EPHX2: variants seen among roughly 807,000 people sequenced by gnomAD.
EPHX2 encodes epoxide hydrolase 2.
EPHX2 carries 74 observed loss-of-function variants against 78.7 expected under a neutral mutation model. That is an observed-to-expected ratio of 0.94 (90% CI 0.78 to 1.14). The LOEUF (loss-of-function observed/expected upper bound fraction) is 1.14, where lower values mean the gene tolerates loss of function less well. EPHX2 is among the 50% of genes most tolerant of loss of function. EPHX2 has a pLI of 0.00. For synonymous variants in EPHX2, 251 were observed against 255.2 expected (o/e 0.98, Z 0.16); for missense variants, 715 against 702.5 (o/e 1.02, Z -0.20).
chr8:27,504,261 C>T (rs1390584187), intron 3 of EPHX2, among the ~76,000 whole-genome samples: 1 of 152,160 alleles, frequency 6.6e-6, no homozygotes, highest in Non-Finnish European at 1.5e-5. Context: ...ACTATTCCAC[C>T]CTCTTATCAG....
chr8:27,499,052 C>G (rs1813672484), intron 1 of EPHX2, among the ~76,000 whole-genome samples: 2 of 152,176 alleles, frequency 1.3e-5, no homozygotes, highest in Admixed American at 1.3e-4. Context: ...CAAGGTAGCA[C>G]AGGGCATCAT....
intron 4 of EPHX2, 69 bp downstream of exon 4, chr8:27,505,215 G>T (rs755331101): frequency 4.7e-4 from 715 of 1,521,592 alleles, no homozygotes; most frequent in Non-Finnish European, 6.2e-4. Context: ...AAACTGAGGA[G>T]TGAGCAGGTG....
intron 6 of EPHX2, among the ~76,000 whole-genome samples, chr8:27,514,288 C>G (rs1814369447): frequency 6.6e-6 from 1 of 152,152 alleles, no homozygotes; most frequent in Admixed American, 6.5e-5. Flanking sequence ...GCCTGGGCAA[C>G]AAAGTGAGAC....
chr8:27,523,317 C>T (rs937511781), intron 11 of EPHX2, among the ~76,000 whole-genome samples: 8 of 152,210 alleles, frequency 5.3e-5, no homozygotes, highest in African/African-American at 1.9e-4. Context: ...TGTCATGGTC[C>T]CCACCATTTC....
intron 1 of EPHX2, among the ~76,000 whole-genome samples, chr8:27,499,594 G>A (rs1813693284): frequency 6.6e-6 from 1 of 152,078 alleles, no homozygotes; most frequent in Non-Finnish European, 1.5e-5. Flanking sequence ...AATTCATCTG[G>A]GATTGGCAAG....
At chr8:27,520,215 G>A (rs1814598664) in intron 9 of EPHX2, among the ~76,000 whole-genome samples, 1 of 151,488 alleles carries the variant, frequency 6.6e-6, no homozygotes, top group Admixed American at 6.6e-5. Context: ...GCCCAGGCTA[G>A]AGTGCAGTGG....
At chr8:27,508,890 C>G (rs963345462) in intron 5 of EPHX2, among the ~76,000 whole-genome samples, 1 of 147,720 alleles carries the variant, frequency 6.8e-6, no homozygotes, top group African/African-American at 2.5e-5. Flanking sequence ...TCTGGACCAT[C>G]AAACACCAAC....
At chr8:27,511,521 G>A (rs947123266) in intron 5 of EPHX2, among the ~76,000 whole-genome samples, 1 of 152,246 alleles carries the variant, frequency 6.6e-6, no homozygotes, top group African/African-American at 2.4e-5. Context: ...TGGACACCCA[G>A]CTGGAAGATG....
chr8:27,547,439 G>T (rs1815592820), downstream of EPHX2, among the ~76,000 whole-genome samples: 1 of 152,196 alleles, frequency 6.6e-6, no homozygotes, highest in African/African-American at 2.4e-5. Flanking sequence ...AATTTAATTT[G>T]TAATTAACAT....
At chr8:27,538,030 T>A (rs1815267768) in intron 13 of EPHX2, among the ~76,000 whole-genome samples, 1 of 152,220 alleles carries the variant, frequency 6.6e-6, no homozygotes, top group Admixed American at 6.5e-5. Flanking sequence ...TTTGTTGTTA[T>A]TGTTGTTGTT....
intron 12 of EPHX2, among the ~76,000 whole-genome samples, chr8:27,527,163 T>A (rs1814876066): frequency 6.6e-6 from 1 of 152,116 alleles, no homozygotes; most frequent in Non-Finnish European, 1.5e-5. Flanking sequence ...TTCACCATAT[T>A]GGCCAGACTG....
chr8:27,516,196 G>C, intron 7 of EPHX2, 124 bp from the exon 8 acceptor site: 1 of 972,556 alleles, frequency 1.0e-6, no homozygotes, highest in South Asian at 1.5e-5. Context: ...CAAAGTTACC[G>C]GGTAGTGCCC....
chr8:27,532,664 T>C lies in EPHX2; in HGVS notation c.1171-4120T>C, dbSNP rs1005228181. On this transcript the variant is annotated intron_variant, in intron 12 of 18. Coordinates refer to ENST00000521400, the MANE Select transcript of EPHX2 (RefSeq NM_001979.6). The stretch of plus-strand genomic sequence containing the variant: ...TCAGCTTGTAGACACATCACGCCCG[T>C]CCCTGCCTCCGTCTTCATGTGGCAT... 5.3e-5 allele frequency among the ~76,000 whole-genome samples: 8 copies of C among 152,136 alleles called. No homozygotes were observed. In the East Asian group the frequency reaches 1.5e-3, roughly 29 times the overall value.
intron 1 of EPHX2, among the ~76,000 whole-genome samples, chr8:27,498,606 C>A (rs978158408): frequency 6.6e-6 from 1 of 152,146 alleles, no homozygotes. Flanking sequence ...CTCCCTTGTT[C>A]TTCTGTGAGC....
chr8:27,500,771 G>A (rs190971530), intron 1 of EPHX2, among the ~76,000 whole-genome samples, 155 bp from the exon 2 acceptor site: 1 of 152,322 alleles, frequency 6.6e-6, no homozygotes. Context: ...CTCCTTGCGC[G>A]CAAAGATCCC....
rs372389894 is a variant in EPHX2, at chr8:27,503,762, A to T, written c.345A>T (p.Lys115Asn). The T allele has an allele frequency of 6.2e-7, 1 of 1,610,480 alleles. No individual in the cohort carries two copies. The highest frequency in any genetic ancestry group is 8.5e-7 in the Non-Finnish European group (1 of 1,179,874). The stretch of plus-strand genomic sequence containing the variant: ...AGGCAGCTCTCATGCTCAGGAAGAA[A>T]GGTAAGGATCTGATACTGGCCAATC... ...MLQAALMLRK[K>N]GFTTAILTNT... The change falls in exon 3 of 19, where the codon AAA becomes AAT. Residue 115 changes from lysine (K) to asparagine (N), a missense_variant and splice_region_variant. By Grantham distance (94) the Lys-to-Asn change is moderately conservative. Coordinates refer to ENST00000521400, the MANE Select transcript of EPHX2 (RefSeq NM_001979.6).
intron 13 of EPHX2, 61 bp downstream of exon 13, chr8:27,536,916 C>T: frequency 6.3e-7 from 1 of 1,578,608 alleles, no homozygotes; most frequent in Non-Finnish European, 8.7e-7. Context: ...AAGTAGGGTA[C>T]CTAGTGTGTG....
At chr8:27,506,404 C>T (rs755511131) in intron 4 of EPHX2, among the ~76,000 whole-genome samples, 1 of 152,216 alleles carries the variant, frequency 6.6e-6, no homozygotes, top group Non-Finnish European at 1.5e-5. Flanking sequence ...GGCCATTAAA[C>T]AATCTTCCTT....
In EPHX2 at chr8:27,510,726, G is replaced by A. The variant is rs558914341; in HGVS notation, c.661-1110G>A. ...CCCAGCACTTTGGGAGGCCAAGGTG[G>A]GAGGATCACTTGAGGCCAGGAGTTC... On this transcript the variant is annotated intron_variant, in intron 5 of 18. Transcript: ENST00000521400. 3.3e-5 allele frequency among the ~76,000 whole-genome samples: 5 copies of A among 152,258 alleles called. No homozygotes were observed. The East Asian group carries it at 5.8e-4, about 18-fold the overall frequency.
Sources: gnomAD v4.1 joint callset for allele counts (sites outside exome capture counted in the v4.1 genomes callset) on GRCh38, gnomAD v4.1.1 for gene constraint, MANE v1.5 for transcripts, NCBI Gene and HGNC (gene_info 2026-07-23, HGNC 2026-07-21) for gene names.